Variants in OR9Q1 observed in about 807,000 individuals in gnomAD.
OR9Q1 encodes olfactory receptor family 9 subfamily Q member 1, also known as olfactory receptor 9Q1.
For missense variants in OR9Q1, 374 were observed against 378.8 expected (o/e 0.99, Z 0.11); for synonymous variants, 153 against 148.6 (o/e 1.03, Z -0.22).
At chr11:58,160,716 GTTC>G (rs1430489134) in intron 2 of OR9Q1, among the ~76,000 whole-genome samples, 2 of 152,114 alleles carry the variant, frequency 1.3e-5, no homozygotes, top group African/African-American at 2.4e-5. Flanking sequence ...GAAAACACGA[GTTC>G]TTCTTTGAAT....
intron 2 of OR9Q1, among the ~76,000 whole-genome samples, chr11:58,160,210 T>G (rs1030772581): frequency 6.6e-6 from 1 of 152,206 alleles, no homozygotes; most frequent in African/African-American, 2.4e-5. Context: ...TTCAGTTAAT[T>G]CAACTTTCAA....
At chr11:58,062,433 C>T (rs1360490962) in intron 2 of OR9Q1, among the ~76,000 whole-genome samples, 6 of 152,152 alleles carry the variant, frequency 3.9e-5, no homozygotes, top group Admixed American at 3.9e-4. Context: ...GCCTGGCTCA[C>T]CTCCCACATC....
intron 2 of OR9Q1, among the ~76,000 whole-genome samples, chr11:58,095,226 A>G (rs977505494): frequency 2.6e-5 from 4 of 152,224 alleles, no homozygotes; most frequent in African/African-American, 7.2e-5. Flanking sequence ...AAGCCTGCCA[A>G]TGGAAAACCT....
chr11:58,119,774 A>G lies in OR9Q1; in HGVS notation c.-14-59657A>G, dbSNP rs141657148. ...CAGTCCCATCTGGGGCTGGAGTCTC[A>G]CTTACCATATACCCACCACACGGTC... On this transcript the variant is annotated intron_variant, in intron 2 of 2. Transcript: ENST00000335397. Among the ~76,000 whole-genome samples, 415 of 152,246 alleles carry G rather than the reference A, an allele frequency of 2.7e-3. 3 individuals carry two copies. The highest frequency in any genetic ancestry group is 5.6e-3 in the South Asian group (27 of 4,822).
chr11:58,110,013 A>T (rs1002474213), intron 2 of OR9Q1, among the ~76,000 whole-genome samples: 1 of 152,184 alleles, frequency 6.6e-6, no homozygotes, highest in African/African-American at 2.4e-5. Flanking sequence ...TATCTAGCTC[A>T]GGTGTGCATG....
chr11:58,106,341 T>C (rs1340690753), intron 2 of OR9Q1, among the ~76,000 whole-genome samples: 1 of 152,074 alleles, frequency 6.6e-6, no homozygotes, highest in Non-Finnish European at 1.5e-5. Flanking sequence ...TTTAATTGTA[T>C]TATTTATTTT....
At chr11:58,153,218 G>A (rs12362220) in intron 2 of OR9Q1, among the ~76,000 whole-genome samples, 2,109 of 152,340 alleles carry the variant, frequency 0.014, 23 homozygotes, top group South Asian at 0.051. Flanking sequence ...AGGCACTGGG[G>A]ATGCTTACTT....
chr11:58,027,266 G>C (rs1334927353), intron 1 of OR9Q1, among the ~76,000 whole-genome samples: 3 of 152,172 alleles, frequency 2.0e-5, no homozygotes, highest in Non-Finnish European at 4.4e-5. Context: ...TTGGCTGCTT[G>C]GTGGTGGCAG....
chr11:58,090,421 G>T (rs1174370817), intron 2 of OR9Q1, among the ~76,000 whole-genome samples: 4 of 152,140 alleles, frequency 2.6e-5, no homozygotes, highest in Non-Finnish European at 2.9e-5. Flanking sequence ...TTTTGTCATT[G>T]GTTCTGTTTA....
At position 58,180,094 on chromosome 11, in the gene OR9Q1, C is replaced by T. The variant is rs146606675; in HGVS notation, c.650C>T (p.Ser217Phe). The T allele has an allele frequency of 1.9e-6, 3 of 1,613,854 alleles. No homozygotes were observed. Among genetic ancestry groups the T allele is most frequent in the African/African-American group, 2.7e-5 (2 of 74,840 alleles). The stretch of plus-strand genomic sequence containing the variant: ...GCTTCCATGGTGGTGATCTTGGTGT[C>T]CTACCTGTTTATCATCGTGGCCATC... ...IPASMVVILVSYLFIIVAIMG... is the reference protein window; with the variant it reads ...IPASMVVILVFYLFIIVAIMG... Residue 217 changes from serine to phenylalanine, a missense_variant, in exon 3 of 3, where the codon TCC (serine) becomes TTC (phenylalanine). Ser to Phe is a radical substitution (Grantham distance 155). Coordinates refer to ENST00000335397, the MANE Select transcript of OR9Q1 (RefSeq NM_001005212.4).
intron 2 of OR9Q1, among the ~76,000 whole-genome samples, chr11:58,101,086 A>G (rs1249040812): frequency 2.6e-5 from 4 of 152,100 alleles, no homozygotes; most frequent in African/African-American, 9.7e-5. Context: ...TAGAATAATT[A>G]ACTCCTAGTT....
intron 2 of OR9Q1, among the ~76,000 whole-genome samples, chr11:58,113,243 G>T (rs1055269983): frequency 6.6e-6 from 1 of 152,100 alleles, no homozygotes; most frequent in African/African-American, 2.4e-5. Flanking sequence ...TCTTCATTTT[G>T]CAAAAGAGAA....
At chr11:58,053,746 A>G (rs1244139094) in intron 1 of OR9Q1, among the ~76,000 whole-genome samples, 1 of 148,088 alleles carries the variant, frequency 6.8e-6, no homozygotes, top group African/African-American at 2.5e-5. Context: ...CTAACTCTTC[A>G]TGGCTGAGAC....
chr11:58,086,893 A>G (rs1853639043), intron 2 of OR9Q1, among the ~76,000 whole-genome samples: 1 of 151,774 alleles, frequency 6.6e-6, no homozygotes, highest in Non-Finnish European at 1.5e-5. Flanking sequence ...TAAGAGTACA[A>G]AATTTCAGTT....
At chr11:58,102,840 A>T (rs1853797950) in intron 2 of OR9Q1, among the ~76,000 whole-genome samples, 1 of 152,094 alleles carries the variant, frequency 6.6e-6, no homozygotes. Flanking sequence ...CTATTATTTC[A>T]TTAAATAAGT....
At chr11:58,033,227 T>C (rs988796042) in intron 1 of OR9Q1, among the ~76,000 whole-genome samples, 2 of 152,180 alleles carry the variant, frequency 1.3e-5, no homozygotes, top group Admixed American at 6.5e-5. Flanking sequence ...ATAGAACTGC[T>C]ATTCAAGCCA....
chr11:58,135,204 G>A (rs1854178609), intron 2 of OR9Q1, among the ~76,000 whole-genome samples: 1 of 152,168 alleles, frequency 6.6e-6, no homozygotes, highest in South Asian at 2.1e-4. Flanking sequence ...GCTATTTTCA[G>A]TGCAAATGTA....
chr11:58,149,298 T>C (rs2119890575), intron 2 of OR9Q1, among the ~76,000 whole-genome samples: 1 of 152,294 alleles, frequency 6.6e-6, no homozygotes, highest in Middle Eastern at 3.4e-3. Flanking sequence ...ATTGAGGAGC[T>C]ACTATATGCT....
At chr11:58,070,294 G>A (rs993752140) in intron 2 of OR9Q1, among the ~76,000 whole-genome samples, 3 of 151,964 alleles carry the variant, frequency 2.0e-5, no homozygotes, top group Admixed American at 1.3e-4. Context: ...GGGATTACAG[G>A]TGTGAACCAC....
Sources: gnomAD v4.1 joint callset for allele counts (sites outside exome capture counted in the v4.1 genomes callset) on GRCh38, gnomAD v4.1.1 for gene constraint, MANE v1.5 for transcripts, NCBI Gene and HGNC (gene_info 2026-07-23, HGNC 2026-07-21) for gene names.